CERKL: variants seen among roughly 807,000 people sequenced by gnomAD.
CERKL encodes CERK like autophagy regulator.
A neutral mutation model predicts 63.4 loss-of-function variants in CERKL; 61 were observed. The ratio of observed to expected loss-of-function variants is 0.96; its 90% CI spans 0.78 to 1.19. The LOEUF is 1.19. CERKL is among the 50% of genes most tolerant of loss of function. The pLI, the probability that CERKL is intolerant of heterozygous loss-of-function variation, is 0.00. For synonymous variants in CERKL, 250 were observed against 230.5 expected, an observed-to-expected ratio of 1.08 and a Z score of -0.77; for missense variants, 675 against 655.5, an observed-to-expected ratio of 1.03 and a Z score of -0.33.
rs532973636 is a variant in CERKL, at chr2:181,558,674, C to T, written c.712G>A (p.Glu238Lys). 1.1e-5 allele frequency: 18 copies of T among 1,613,602 alleles called. No individual in the cohort carries two copies. The East Asian group carries it at 1.3e-4, about 12-fold the overall frequency. The change falls in exon 5 of 13, where the codon GAA becomes AAA. Residue 238 changes from glutamate to lysine, a missense_variant. Transcript: ENST00000410087. This position sits in a 1 kb window ranked among gnomAD's most constrained non-coding sequence, Gnocchi z 4.2. Reference protein sequence around the residue: ...VCVGGDGSASEVAHALLLRAQ... With the variant: ...VCVGGDGSASKVAHALLLRAQ... ...CTCAGAAGCAAAGCATGGGCTACTT[C>T]GCTAGCAGATCCATCTCCACCAACA...
intron 5 of CERKL, among the ~76,000 whole-genome samples, chr2:181,553,589 A>T (rs1349895953): frequency 1.3e-5 from 2 of 152,184 alleles, no homozygotes; most frequent in East Asian, 1.9e-4. Context: ...CAAGTACAAA[A>T]TTTTTTTAGA....
chr2:181,633,762 C>A (rs1273107999), intron 1 of CERKL, among the ~76,000 whole-genome samples: 3 of 152,116 alleles, frequency 2.0e-5, no homozygotes, highest in Non-Finnish European at 2.9e-5. Context: ...TGAGTGTCTT[C>A]TTTTACTTAG....
chr2:181,647,854 A>G (rs1235736112), intron 1 of CERKL, among the ~76,000 whole-genome samples: 1 of 152,162 alleles, frequency 6.6e-6, no homozygotes, highest in African/African-American at 2.4e-5. Context: ...AAACAACCCA[A>G]TGAAATCAGG....
intron 3 of CERKL, among the ~76,000 whole-genome samples, chr2:181,568,613 C>G (rs1033333623): frequency 2.0e-5 from 3 of 151,268 alleles, no homozygotes; most frequent in African/African-American, 7.3e-5. Flanking sequence ...GCTTCAACAT[C>G]TAAAAATTTT....
chr2:181,590,017 C>T (rs1684925599), intron 2 of CERKL, among the ~76,000 whole-genome samples: 1 of 151,326 alleles, frequency 6.6e-6, no homozygotes, highest in African/African-American at 2.4e-5. Context: ...AGAGGTTTTT[C>T]CCATGTTGCC....
intron 2 of CERKL, among the ~76,000 whole-genome samples, chr2:181,592,942 C>T: frequency 6.6e-6 from 1 of 152,022 alleles, no homozygotes; most frequent in Admixed American, 6.6e-5. Context: ...AAAGACAATG[C>T]TTAATCTTGG....
At chr2:181,642,175 A>C (rs1163326463) in intron 1 of CERKL, among the ~76,000 whole-genome samples, 1 of 152,222 alleles carries the variant, frequency 6.6e-6, no homozygotes, top group Non-Finnish European at 1.5e-5. Context: ...GAATCAAAGC[A>C]TCATGTTTTA....
At position 181,599,698 on chromosome 2, in the gene CERKL, G is replaced by C. The variant is rs150157646; in HGVS notation, c.481+4139C>G. ...ATGAACAAAGCCTTTGATAAATATGGGATTATGTAAAGCAACCAAACCTAT... is the reference window on the plus strand; with the variant it reads ...ATGAACAAAGCCTTTGATAAATATGCGATTATGTAAAGCAACCAAACCTAT... On this transcript the variant is annotated intron_variant, in intron 2 of 12. Coordinates refer to ENST00000410087, the MANE Select transcript of CERKL (RefSeq NM_201548.5). Among the ~76,000 whole-genome samples, 293 of 151,982 alleles carry C rather than the reference G, an allele frequency of 1.9e-3. 7 individuals carry two copies. The East Asian group carries it at 0.047, about 24-fold the overall frequency.
At chr2:181,573,170 A>T (rs1471849831) in intron 3 of CERKL, among the ~76,000 whole-genome samples, 1 of 152,168 alleles carries the variant, frequency 6.6e-6, no homozygotes, top group Non-Finnish European at 1.5e-5. Context: ...AAAAATCAAA[A>T]AGGATATTAC....
chr2:181,598,711 T>C (rs1350317092), intron 2 of CERKL, among the ~76,000 whole-genome samples: 1 of 152,156 alleles, frequency 6.6e-6, no homozygotes, highest in Non-Finnish European at 1.5e-5. Flanking sequence ...CCACATGAGA[T>C]AGAGTGTCAG....
rs1442844607 is a variant in CERKL at position 181,613,251 on chromosome 2, T to C, written c.239-9172A>G. 3.9e-5 allele frequency among the ~76,000 whole-genome samples: 6 copies of C among 152,228 alleles called. No homozygotes were observed. The South Asian group carries it at 8.3e-4, about 21-fold the overall frequency. ...TGGATTCCACATATAAGTGAGATCATCTGTTTTTAAATCTAGCCAAATTTA... is the reference window on the plus strand; with the variant it reads ...TGGATTCCACATATAAGTGAGATCACCTGTTTTTAAATCTAGCCAAATTTA... On this transcript the variant is annotated intron_variant, in intron 1 of 12. Coordinates refer to ENST00000410087, the MANE Select transcript of CERKL (RefSeq NM_201548.5).
rs555709424 is a variant in CERKL, at chr2:181,615,917, T to A, written c.239-11838A>T. Reference sequence around the variant, plus strand: ...GCTTAAGTTCCTAAATACATACATATATCAAGAGTTACAACGAAGTAGGCT... The same window carrying A: ...GCTTAAGTTCCTAAATACATACATAAATCAAGAGTTACAACGAAGTAGGCT... On this transcript the variant is annotated intron_variant, in intron 1 of 12. Coordinates refer to ENST00000410087, the MANE Select transcript of CERKL (RefSeq NM_201548.5). Among the ~76,000 whole-genome samples, 126 of 152,276 alleles carry A rather than the reference T, an allele frequency of 8.3e-4. 1 individual carries two copies. The Middle Eastern group carries it at 0.01, about 12-fold the overall frequency.
At position 181,537,180 on chromosome 2, in the gene CERKL, GATCATAGATGAAAA is replaced by G; in HGVS notation, c.*990_*1003del. 2.2e-6 allele frequency: 1 copy of G among 453,748 alleles called. No homozygotes were observed. The highest frequency in any genetic ancestry group is 4.4e-6 in the Non-Finnish European group (1 of 226,584). The allele number at this position is 453,748 out of a possible 1,614,324, so 28.1% of individuals were successfully genotyped here. On this transcript the variant is annotated 3_prime_UTR_variant, in exon 13 of 13. Transcript: ENST00000410087. ...GTCATTCTTTCAGGAGAACATCTAG[GATCATAGATGAAAA>G]ATCAAGCCCCGATTTAGAACTGTCT...
chr2:181,655,219 C>T (rs1202375575), intron 1 of CERKL, among the ~76,000 whole-genome samples: 2 of 152,178 alleles, frequency 1.3e-5, no homozygotes, highest in African/African-American at 4.8e-5. Context: ...ACTAATTAAA[C>T]CTATTTTACC....
At chr2:181,655,198 GC>G (rs1246076511) in intron 1 of CERKL, among the ~76,000 whole-genome samples, 5 of 152,128 alleles carry the variant, frequency 3.3e-5, no homozygotes, top group Non-Finnish European at 5.9e-5. Flanking sequence ...AAACTCTACT[GC>G]CAGGGGTGCA....
At chr2:181,626,812 T>C (rs1686726099) in intron 1 of CERKL, among the ~76,000 whole-genome samples, 1 of 152,202 alleles carries the variant, frequency 6.6e-6, no homozygotes, top group African/African-American at 2.4e-5. Flanking sequence ...CATCTTCTGA[T>C]TTTCAGCAGA....
At chr2:181,615,375 T>A (rs1160697124) in intron 1 of CERKL, among the ~76,000 whole-genome samples, 1 of 152,236 alleles carries the variant, frequency 6.6e-6, no homozygotes, top group African/African-American at 2.4e-5. Flanking sequence ...ATGGCACTTT[T>A]AAAAATATTA....
At chr2:181,654,817 T>G (rs904208177) in intron 1 of CERKL, among the ~76,000 whole-genome samples, 2 of 152,186 alleles carry the variant, frequency 1.3e-5, no homozygotes, top group African/African-American at 4.8e-5. Context: ...GGAGATTCAC[T>G]CTTGTTGCCC....
intron 2 of CERKL, among the ~76,000 whole-genome samples, chr2:181,591,662 G>T (rs1046530385): frequency 6.6e-6 from 1 of 152,160 alleles, no homozygotes; most frequent in Admixed American, 6.6e-5. Flanking sequence ...GTTGTTGGGA[G>T]CCACAGTTCT....
Sources: allele counts gnomAD v4.1 joint callset (sites outside exome capture counted in the v4.1 genomes callset), GRCh38; gene constraint gnomAD v4.1.1; non-coding constraint Gnocchi (gnomAD v3.1); transcripts MANE v1.5; gene names NCBI Gene and HGNC (gene_info 2026-07-23, HGNC 2026-07-21).